Variants in NOVA1 observed in about 807,000 individuals in gnomAD.
NOVA1 encodes NOVA alternative splicing regulator 1, also known as RNA-binding protein Nova-1.
Under a neutral mutation model 38.0 loss-of-function variants are expected in NOVA1, and 7 were observed. That is an observed-to-expected ratio of 0.18 (90% CI 0.10 to 0.35). NOVA1 has a LOEUF of 0.35. Among genes scored for constraint, NOVA1 ranks in the 10% least tolerant of loss-of-function variants. The probability of loss-of-function intolerance (pLI) is 1.00; values close to 1 mark genes in which losing one functional copy is unlikely to be tolerated. For synonymous variants in NOVA1, 270 were observed against 232.5 expected (o/e 1.16, Z -1.47); for missense variants, 460 against 616.0 (o/e 0.75, Z 2.68).
chr14:26,484,427 C>CGAA (rs1885712519), intron 2 of NOVA1, among the ~76,000 whole-genome samples: 1 of 51,210 alleles, frequency 2.0e-5, no homozygotes, highest in Non-Finnish European at 3.2e-5. Flanking sequence ...GACTCCGTCT[C>CGAA]GAAAAAAAAA....
chr14:26,528,635 G>A (rs1026400581), intron 2 of NOVA1, among the ~76,000 whole-genome samples: 2 of 152,120 alleles, frequency 1.3e-5, no homozygotes, highest in East Asian at 1.9e-4. Flanking sequence ...CTTAGCCACC[G>A]AGCCAGTATT....
chr14:26,503,669 C>T (rs1348534395), intron 2 of NOVA1, among the ~76,000 whole-genome samples: 2 of 152,072 alleles, frequency 1.3e-5, no homozygotes, highest in Admixed American at 1.3e-4. Context: ...GAAAAGTATA[C>T]AGTTGGAAAT....
At chr14:26,556,499 AC>A (rs1264718755) in intron 2 of NOVA1, among the ~76,000 whole-genome samples, 1 of 152,144 alleles carries the variant, frequency 6.6e-6, no homozygotes, top group Non-Finnish European at 1.5e-5. Flanking sequence ...CAAATCATAA[AC>A]CTTTCACAAA....
chr14:26,481,988 T>TAAAAAA lies in NOVA1; in HGVS notation c.281-1851_281-1846dup, dbSNP rs372806170. On this transcript the variant is annotated intron_variant, in intron 2 of 4. Coordinates refer to ENST00000539517, the MANE Select transcript of NOVA1 (RefSeq NM_002515.3). The stretch of plus-strand genomic sequence containing the variant: ...CAAAACAGTCTAACTTAGATAGAGA[T>TAAAAAA]AAAAAAAAAAAAAAAAAAAAAAAAA... 1.8e-3 allele frequency among the ~76,000 whole-genome samples: 193 copies of TAAAAAA among 105,902 alleles called. 8 individuals carry two copies. Among genetic ancestry groups the TAAAAAA allele is most frequent in the African/African-American group, 5.0e-3 (98 of 19,682 alleles). The allele number at this position is 105,902 out of a possible 152,430, so 69.5% of individuals were successfully genotyped here.
intron 1 of NOVA1, chr14:26,597,044 T>G: frequency 1.6e-6 from 2 of 1,223,162 alleles, no homozygotes; most frequent in African/African-American, 1.6e-5. Context: ...AATGGAAAGA[T>G]AGGTCTATTC....
intron 2 of NOVA1, among the ~76,000 whole-genome samples, chr14:26,554,190 A>C (rs1386515170): frequency 1.2e-4 from 15 of 127,116 alleles, no homozygotes; most frequent in Non-Finnish European, 1.6e-5. Flanking sequence ...GAAAGAAGGA[A>C]GGAAGGGAGG....
chr14:26,455,193 C>A lies in NOVA1; in HGVS notation c.520-6230G>T, dbSNP rs149827315. ...ATATCTCTCATAAAATACCATGCCA[C>A]CTTGTCTCATGTATTTTTACCTTTC... On this transcript the variant is annotated intron_variant, in intron 4 of 4. Coordinates refer to ENST00000539517, the MANE Select transcript of NOVA1 (RefSeq NM_002515.3). Among the ~76,000 whole-genome samples, 9 of 152,224 alleles carry A rather than the reference C, an allele frequency of 5.9e-5. 1 individual carries two copies. In the East Asian group the frequency reaches 1.7e-3, roughly 29 times the overall value.
intron 2 of NOVA1, among the ~76,000 whole-genome samples, chr14:26,575,648 A>G (rs1012863908): frequency 1.3e-5 from 2 of 152,120 alleles, no homozygotes; most frequent in African/African-American, 2.4e-5. Context: ...TTTATCACAT[A>G]TATCAACAAG....
chr14:26,567,290 ATTTTTT>A (rs372263187), intron 2 of NOVA1, among the ~76,000 whole-genome samples: 7 of 93,704 alleles, frequency 7.5e-5, no homozygotes, highest in Admixed American at 3.0e-4. Context: ...GTCTTGTTTA[ATTTTTT>A]TTTTTTTTTT....
At chr14:26,574,022 AC>A (rs1211341762) in intron 2 of NOVA1, among the ~76,000 whole-genome samples, 9 of 126,050 alleles carry the variant, frequency 7.1e-5, no homozygotes, top group Middle Eastern at 4.4e-3. Context: ...CAAAGATTAC[AC>A]TTTTTTTTTT....
intron 2 of NOVA1, among the ~76,000 whole-genome samples, chr14:26,579,371 T>A (rs1047806065): frequency 6.6e-6 from 1 of 152,148 alleles, no homozygotes; most frequent in Non-Finnish European, 1.5e-5. Context: ...TTCTTATATA[T>A]TCAAAGGTGT....
chr14:26,447,897 A>T lies in NOVA1; in HGVS notation c.*62T>A. On this transcript the variant is annotated 3_prime_UTR_variant, in exon 5 of 5. Coordinates refer to ENST00000539517, the MANE Select transcript of NOVA1 (RefSeq NM_002515.3). ...AAACTTCACTTCTGCAAAGTACAGT[A>T]CATCCTTCTTGAAAATGGGGTAAAG... The T allele has an allele frequency of 7.4e-7, 1 of 1,345,828 alleles. No individual in the cohort carries two copies. The highest frequency in any genetic ancestry group is 1.2e-5 in the South Asian group (1 of 81,702). The allele number at this position is 1,345,828 out of a possible 1,614,324, so 83.4% of individuals were successfully genotyped here. A position where few individuals can be genotyped will look rare whatever the true frequency, so the allele number is the denominator to read the frequency against.
At chr14:26,456,080 T>C (rs946456092) in intron 4 of NOVA1, among the ~76,000 whole-genome samples, 39 of 152,148 alleles carry the variant, frequency 2.6e-4, no homozygotes, top group African/African-American at 8.9e-4. Flanking sequence ...GCACATATAG[T>C]AAGACATATG....
chr14:26,564,303 G>A (rs78041721), intron 2 of NOVA1, among the ~76,000 whole-genome samples: 1,724 of 152,176 alleles, frequency 0.011, 23 homozygotes, highest in Middle Eastern at 0.058. Context: ...CACTTACAAC[G>A]CATCAGGCAC....
intron 2 of NOVA1, chr14:26,593,734 A>G (rs35782008): frequency 2.0e-5 from 3 of 151,890 alleles, no homozygotes; most frequent in Admixed American, 1.3e-4. Context: ...TGGACTAAAA[A>G]CAAAAGATCT....
At chr14:26,539,487 CAT>C (rs1164413082) in intron 2 of NOVA1, among the ~76,000 whole-genome samples, 1 of 151,820 alleles carries the variant, frequency 6.6e-6, no homozygotes, top group African/African-American at 2.4e-5. Flanking sequence ...ATAACTGAGA[CAT>C]CAGAATATAA....
intron 2 of NOVA1, among the ~76,000 whole-genome samples, chr14:26,564,516 C>T (rs980798611): frequency 1.3e-5 from 2 of 152,098 alleles, no homozygotes; most frequent in Non-Finnish European, 2.9e-5. Flanking sequence ...TGGCAGAAGG[C>T]TCCAGAAACT....
chr14:26,472,315 T>C lies in NOVA1; in HGVS notation c.519+5A>G, dbSNP rs183764459. 1.3e-5 allele frequency: 20 copies of C among 1,566,844 alleles called. No homozygotes were observed. Among genetic ancestry groups the C allele is most frequent in the Admixed American group, 3.4e-5 (2 of 59,340 alleles). ...TATGGTGTAGATGACAGGATGATACTGTACCTGATTAGCTCTGGAGGTGGT... is the reference window on the plus strand; with the variant it reads ...TATGGTGTAGATGACAGGATGATACCGTACCTGATTAGCTCTGGAGGTGGT... On this transcript the variant is annotated splice_donor_5th_base_variant and intron_variant, in intron 4 of 4. Transcript: ENST00000539517.
At chr14:26,526,724 G>C (rs1372221459) in intron 2 of NOVA1, among the ~76,000 whole-genome samples, 1 of 151,958 alleles carries the variant, frequency 6.6e-6, no homozygotes, top group Non-Finnish European at 1.5e-5. Flanking sequence ...AGAATCAAGG[G>C]GATAAGAGCT....
Sources: gnomAD v4.1 joint callset for allele counts (sites outside exome capture counted in the v4.1 genomes callset) on GRCh38, gnomAD v4.1.1 for gene constraint, MANE v1.5 for transcripts, NCBI Gene and HGNC (gene_info 2026-07-23, HGNC 2026-07-21) for gene names.